The following SLC29A4 variants were observed in gnomAD, a reference collection of about 807,000 sequenced individuals.
SLC29A4 encodes solute carrier family 29 member 4, also known as equilibrative nucleoside transporter 4.
Under a neutral mutation model 43.9 loss-of-function variants are expected in SLC29A4, and 36 were observed. The ratio of observed to expected loss-of-function variants is 0.82; its 90% confidence interval spans 0.63 to 1.08. The LOEUF (loss-of-function observed/expected upper bound fraction) is 1.08. Ranked by LOEUF, SLC29A4 falls within the 50% of genes least tolerant of loss-of-function variation. SLC29A4 has a pLI of 0.00. For missense variants in SLC29A4, 869 were observed against 755.3 expected, an observed-to-expected ratio of 1.15 and a Z score of -1.77; for synonymous variants, 491 against 338.0, an observed-to-expected ratio of 1.45 and a Z score of -4.97.
intron 1 of SLC29A4, among the ~76,000 whole-genome samples, chr7:5,283,766 G>T (rs1449107990): frequency 6.6e-6 from 1 of 152,224 alleles, no homozygotes; most frequent in Non-Finnish European, 1.5e-5. Context: ...GGTTAACGGG[G>T]ACCAGGGGTG....
At chr7:5,296,376 C>G (rs1785661655) in intron 6 of SLC29A4, among the ~76,000 whole-genome samples, 1 of 150,704 alleles carries the variant, frequency 6.6e-6, no homozygotes, top group South Asian at 2.1e-4. Flanking sequence ...GGTAAATGCC[C>G]CATGGTGGGG....
chr7:5,296,967 C>G lies in SLC29A4; in HGVS notation c.651C>G (p.Arg217=). The change falls in exon 7 of 11, where the codon CGC becomes CGG. Residue 217 remains arginine, a synonymous_variant. Coordinates refer to ENST00000396872, the MANE Select transcript of SLC29A4 (RefSeq NM_153247.4). ...CGGGCGTGATGATCTCTCTGAGCCG[C>G]ATCCTCACGAAGCTGCTGCTGCCCG... ...STAGVMISLS[R]ILTKLLLPDE... is the part of the protein sequence containing the mutation. 5 of 1,598,434 alleles carry G rather than the reference C, an allele frequency of 3.1e-6. No individual in the cohort carries two copies. The highest frequency in any genetic ancestry group is 2.2e-5 in the South Asian group (2 of 90,784).
intron 6 of SLC29A4, among the ~76,000 whole-genome samples, chr7:5,296,713 G>C (rs929897195): frequency 4.1e-5 from 6 of 147,004 alleles, no homozygotes; most frequent in African/African-American, 1.5e-4. Context: ...GTCTGGTTGC[G>C]GGAGTGGGGT....
rs1215815278 is a variant in SLC29A4, at chr7:5,306,841, C to G, written c.*3902C>G. 1.3e-5 allele frequency: 2 copies of G among 150,716 alleles called. No homozygotes were observed. Among genetic ancestry groups the G allele is most frequent in the African/African-American group, 4.9e-5 (2 of 40,718 alleles). 9.3% of individuals were successfully genotyped at this position (150,716 alleles called of 1,614,324 possible). On this transcript the variant is annotated 3_prime_UTR_variant, in exon 11 of 11. Transcript: ENST00000396872. ...TTTTTTTTTATGAAAAAAGATCACA[C>G]AGAATTTGCCAACAAACAAAATTCC...
At chr7:5,290,041 A>G (rs1216241510) in intron 2 of SLC29A4, among the ~76,000 whole-genome samples, 2 of 140,034 alleles carry the variant, frequency 1.4e-5, no homozygotes, top group African/African-American at 5.3e-5. Context: ...GTGCACCACC[A>G]TGCCCAGCTA....
In SLC29A4 at chr7:5,299,359, T is replaced by C. The variant is rs1193064431; in HGVS notation, c.1141T>C (p.Cys381Arg). 1.3e-5 allele frequency: 21 copies of C among 1,612,204 alleles called. No homozygotes were observed. The highest frequency in any genetic ancestry group is 1.7e-5 in the Admixed American group (1 of 59,994). The change falls in exon 9 of 11, where the codon TGC (cysteine) becomes CGC (arginine). Residue 381 changes from cysteine (C) to arginine (R), a missense_variant. By Grantham distance (180) the Cys-to-Arg change is radical. Coordinates refer to ENST00000396872, the MANE Select transcript of SLC29A4 (RefSeq NM_153247.4). The part of the protein sequence containing the change: ...FPGLESEIRH[C>R]ILGEWLPILI... ...CGGCCTCGAGTCTGAGATCCGCCAC[T>C]GCATCCTGGGCGAGTGGCTGCCCAT... is the stretch of plus-strand genomic sequence containing the variant.
In SLC29A4 at chr7:5,299,269, C is replaced by T. The variant is rs777481698; in HGVS notation, c.1051C>T (p.Arg351Trp). The part of the protein sequence containing the change: ...ALLLHRYVVA[R>W]VIWADMLSIA... ...GTTACTGCACCGCTACGTGGTGGCG[C>T]GGGTGATCTGGGCCGACATGCTCTC... Residue 351 changes from arginine to tryptophan, a missense_variant, in exon 9 of 11, where the codon CGG becomes TGG. Coordinates refer to ENST00000396872, the MANE Select transcript of SLC29A4 (RefSeq NM_153247.4). 4.3e-6 allele frequency: 7 copies of T among 1,612,132 alleles called. No individual in the cohort carries two copies. The highest frequency in any genetic ancestry group is 2.2e-5 in the East Asian group (1 of 44,870).
intron 5 of SLC29A4, among the ~76,000 whole-genome samples, chr7:5,292,302 G>A (rs11766177): frequency 0.1 from 15,631 of 152,128 alleles, 1,142 homozygotes; most frequent in Admixed American, 0.2. Flanking sequence ...TTGTAGAGAC[G>A]GGGATCTCTC....
intron 2 of SLC29A4, among the ~76,000 whole-genome samples, chr7:5,289,625 G>A (rs1296050927): frequency 6.6e-6 from 1 of 152,070 alleles, no homozygotes; most frequent in Non-Finnish European, 1.5e-5. Context: ...CTTCACAGCA[G>A]CACCAGGGCT....
intron 5 of SLC29A4, among the ~76,000 whole-genome samples, chr7:5,293,621 TAAAAAAC>T (rs1335386246): frequency 2.0e-5 from 3 of 151,906 alleles, no homozygotes; most frequent in African/African-American, 7.3e-5. Flanking sequence ...TCTGTTTTGT[TAAAAAAC>T]AAAAAAAATG....
At chr7:5,288,660 C>G (rs113284084) in intron 2 of SLC29A4, among the ~76,000 whole-genome samples, 22,104 of 152,056 alleles carry the variant, frequency 0.15, 2,167 homozygotes, top group Middle Eastern at 0.26. Context: ...CCAAAGCAAG[C>G]TATGCCTCAC....
At chr7:5,292,620 T>C (rs953680531) in intron 5 of SLC29A4, among the ~76,000 whole-genome samples, 9 of 151,456 alleles carry the variant, frequency 5.9e-5, no homozygotes, top group Non-Finnish European at 1.0e-4. Flanking sequence ...TAGTTGTAGA[T>C]GTCATCACCT....
intron 7 of SLC29A4, among the ~76,000 whole-genome samples, chr7:5,298,418 G>C (rs1440419172): frequency 6.6e-6 from 1 of 152,130 alleles, no homozygotes; most frequent in Non-Finnish European, 1.5e-5. Flanking sequence ...AGGTCATAGG[G>C]GACCAGATGC....
intron 2 of SLC29A4, 24 bp downstream of exon 2, chr7:5,288,009 G>T (rs532674118): frequency 1.1e-5 from 17 of 1,591,508 alleles, no homozygotes; most frequent in Non-Finnish European, 1.5e-5. Context: ...CGGGCAAGGT[G>T]CGGGTCTTGC....
At position 5,305,415 on chromosome 7, in the gene SLC29A4, C is replaced by G. The variant is rs776279754; in HGVS notation, c.*2476C>G. The G allele has an allele frequency of 2.0e-5, 3 of 152,350 alleles. No individual in the cohort carries two copies. The highest frequency in any genetic ancestry group is 4.4e-5 in the Non-Finnish European group (3 of 68,144). 9.4% of individuals were successfully genotyped at this position (152,350 alleles called of 1,614,324 possible). ...AGGTCAGTCACTGGGCAGCCAGACC[C>G]CCACCTATAGCTTCCCTAGGCCCCA... On this transcript the variant is annotated 3_prime_UTR_variant, in exon 11 of 11. Transcript: ENST00000396872.
At chr7:5,283,889 G>C (rs988219092) in intron 1 of SLC29A4, among the ~76,000 whole-genome samples, 1 of 152,174 alleles carries the variant, frequency 6.6e-6, no homozygotes, top group East Asian at 1.9e-4. Context: ...GGAGGAGCGC[G>C]GCCCCCGAGT....
intron 10 of SLC29A4, 100 bp from the exon 11 acceptor site, chr7:5,302,697 G>T (rs1786252952): frequency 8.1e-7 from 1 of 1,229,544 alleles, no homozygotes; most frequent in Non-Finnish European, 1.1e-6. Context: ...TGGAGGGGCG[G>T]CACGGTTCAG....
chr7:5,297,436 G>A (rs905978713), intron 7 of SLC29A4, among the ~76,000 whole-genome samples: 4 of 152,324 alleles, frequency 2.6e-5, no homozygotes, highest in Admixed American at 6.5e-5. Flanking sequence ...TCTGTGGTCC[G>A]GGGATCTGCC....
At chr7:5,285,242 A>C in intron 1 of SLC29A4, among the ~76,000 whole-genome samples, 1 of 152,204 alleles carries the variant, frequency 6.6e-6, no homozygotes, top group Non-Finnish European at 1.5e-5. Flanking sequence ...GCTCTGCTCT[A>C]AGCCCTGCTC....
Sources: gnomAD v4.1 joint callset for allele counts (sites outside exome capture counted in the v4.1 genomes callset) on GRCh38, gnomAD v4.1.1 for gene constraint, MANE v1.5 for transcripts, NCBI Gene and HGNC (gene_info 2026-07-23, HGNC 2026-07-21) for gene names.